The following C12orf56 variants were observed in gnomAD, a reference collection of about 807,000 sequenced individuals.
The protein encoded by C12orf56 is chromosome 12 open reading frame 56.
A neutral mutation model predicts 69.9 loss-of-function variants in C12orf56; 71 were observed. That is an observed-to-expected ratio of 1.02 (90% confidence interval 0.84 to 1.24). The LOEUF (loss-of-function observed/expected upper bound fraction) is 1.24. Among genes scored for constraint, C12orf56 ranks in the 50% most tolerant of loss-of-function variants. C12orf56 has a pLI of 0.00. For synonymous variants in C12orf56, 276 were observed against 274.1 expected (o/e 1.01, Z -0.07); for missense variants, 732 against 738.5 (o/e 0.99, Z 0.10).
intron 1 of C12orf56, among the ~76,000 whole-genome samples, chr12:64,372,136 A>C: frequency 6.6e-6 from 1 of 151,964 alleles, no homozygotes; most frequent in South Asian, 2.1e-4. Flanking sequence ...TTGTACATTT[A>C]CTTATTTGAT....
chr12:64,318,248 G>A (rs116107017), intron 4 of C12orf56, among the ~76,000 whole-genome samples: 185 of 151,958 alleles, frequency 1.2e-3, no homozygotes, highest in African/African-American at 4.2e-3. Flanking sequence ...TTTTAGTAGC[G>A]ACAAGGGTTT....
Position 64,266,907 on chromosome 12 carries a change from G to T in C12orf56, c.*276C>A, listed in dbSNP as rs1433527490. Reference sequence around the variant, plus strand: ...CTTGATGGATAGTCGTTTATTTTGTGGCAAGAGTGAGTTTGAAGAACTACT... The same window carrying T: ...CTTGATGGATAGTCGTTTATTTTGTTGCAAGAGTGAGTTTGAAGAACTACT... On this transcript the variant is annotated 3_prime_UTR_variant, in exon 13 of 13. Transcript: ENST00000543942. 8 of 370,210 alleles carry T rather than the reference G, an allele frequency of 2.2e-5. No homozygotes were observed. The East Asian group carries it at 4.0e-4, about 19-fold the overall frequency. 22.9% of individuals were successfully genotyped at this position (370,210 alleles called of 1,614,324 possible). A position where few individuals can be genotyped will look rare whatever the true frequency, so the allele number is the denominator to read the frequency against.
intron 1 of C12orf56, among the ~76,000 whole-genome samples, chr12:64,383,111 G>A (rs190314510): frequency 6.6e-6 from 1 of 152,084 alleles, no homozygotes; most frequent in East Asian, 1.9e-4. Context: ...GAGTCCAGGA[G>A]TTTGAGACCA....
intron 1 of C12orf56, among the ~76,000 whole-genome samples, chr12:64,356,187 A>C (rs1278289753): frequency 4.0e-5 from 6 of 151,778 alleles, no homozygotes; most frequent in African/African-American, 1.2e-4. Flanking sequence ...AAAAAAAAAA[A>C]AAAAAAAAAA....
At chr12:64,381,847 G>A (rs2039722746) in intron 1 of C12orf56, among the ~76,000 whole-genome samples, 1 of 152,214 alleles carries the variant, frequency 6.6e-6, no homozygotes, top group African/African-American at 2.4e-5. Context: ...AAGGATGATG[G>A]AAGATGACGT....
chr12:64,267,172 A>G lies in C12orf56; in HGVS notation c.*11T>C. 4 of 1,553,218 alleles carry G rather than the reference A, an allele frequency of 2.6e-6. No individual in the cohort carries two copies. The highest frequency in any genetic ancestry group is 3.5e-6 in the Non-Finnish European group (4 of 1,132,378). ...TTATACTCTTATTAACATTGCGTAC[A>G]TTGTTTGTTTCTATTCAACCAATTT... On this transcript the variant is annotated 3_prime_UTR_variant, in exon 13 of 13. Coordinates refer to ENST00000543942, the MANE Select transcript of C12orf56 (RefSeq NM_001170633.2).
At position 64,296,443 on chromosome 12, in the gene C12orf56, A is replaced by G. The variant is rs372529158; in HGVS notation, c.1113+7192T>C. Among the ~76,000 whole-genome samples, 16 of 152,276 alleles carry G rather than the reference A, an allele frequency of 1.1e-4. 1 individual carries two copies. The highest frequency in any genetic ancestry group is 3.4e-4 in the African/African-American group (14 of 41,556). On this transcript the variant is annotated intron_variant, in intron 6 of 12. Coordinates refer to ENST00000543942, the MANE Select transcript of C12orf56 (RefSeq NM_001170633.2). The stretch of plus-strand genomic sequence containing the variant: ...GAATGGGAATGTCTATCCTCCACAC[A>G]TCCCATCACTGTATTTTGTAAGTAG...
In C12orf56 at chr12:64,266,925, GA is replaced by G. The variant is rs963174233; in HGVS notation, c.*257del. Reference sequence around the variant, plus strand: ...ATTTTGTGGCAAGAGTGAGTTTGAAGAACTACTCTAATAAAGAAATGGCTCT... The same window carrying G: ...ATTTTGTGGCAAGAGTGAGTTTGAAGACTACTCTAATAAAGAAATGGCTCT... On this transcript the variant is annotated 3_prime_UTR_variant, in exon 13 of 13. Transcript: ENST00000543942. 5.1e-6 allele frequency: 2 copies of G among 393,596 alleles called. No individual in the cohort carries two copies. Among genetic ancestry groups the G allele is most frequent in the African/African-American group, 4.2e-5 (2 of 47,426 alleles). The allele number at this position is 393,596 out of a possible 1,614,324, so 24.4% of individuals were successfully genotyped here. A position where few individuals can be genotyped will look rare whatever the true frequency, so the allele number is the denominator to read the frequency against.
At chr12:64,284,100 G>C (rs2038167744) in intron 8 of C12orf56, among the ~76,000 whole-genome samples, 1 of 152,020 alleles carries the variant, frequency 6.6e-6, no homozygotes, top group Non-Finnish European at 1.5e-5. Context: ...GTTTCACCAT[G>C]TTGGTCAGGC....
At chr12:64,384,057 A>G (rs2039756117) in intron 1 of C12orf56, among the ~76,000 whole-genome samples, 1 of 152,228 alleles carries the variant, frequency 6.6e-6, no homozygotes, top group African/African-American at 2.4e-5. Flanking sequence ...TAAATGTATC[A>G]CATGAATGAT....
intron 1 of C12orf56, among the ~76,000 whole-genome samples, chr12:64,369,997 A>T (rs2039549066): frequency 6.6e-6 from 1 of 151,358 alleles, no homozygotes; most frequent in African/African-American, 2.4e-5. Context: ...AAAAAAAAAA[A>T]AATCAAGCTG....
intron 3 of C12orf56, among the ~76,000 whole-genome samples, chr12:64,322,303 T>G (rs2038783690): frequency 6.6e-6 from 1 of 152,168 alleles, no homozygotes; most frequent in Non-Finnish European, 1.5e-5. Context: ...TATTCATCTA[T>G]CTTCAAATTC....
chr12:64,376,296 A>C (rs2039639003), intron 1 of C12orf56, among the ~76,000 whole-genome samples: 1 of 152,198 alleles, frequency 6.6e-6, no homozygotes, highest in South Asian at 2.1e-4. Flanking sequence ...AACCAGCAGG[A>C]TGCAGAAAAT....
intron 12 of C12orf56, among the ~76,000 whole-genome samples, chr12:64,268,439 G>GCGAA: frequency 1.4e-5 from 1 of 69,164 alleles, no homozygotes; most frequent in Non-Finnish European, 4.2e-5. Context: ...ATTAAGCTCA[G>GCGAA]TGAAGTCAGA....
intron 6 of C12orf56, among the ~76,000 whole-genome samples, chr12:64,300,036 C>T (rs553421931): frequency 6.6e-6 from 1 of 152,134 alleles, no homozygotes; most frequent in African/African-American, 2.4e-5. Context: ...AGTTCTATGG[C>T]ATGGAATTGA....
chr12:64,325,375 G>GAAGAAT (rs1214596157), intron 3 of C12orf56, among the ~76,000 whole-genome samples: 1 of 148,006 alleles, frequency 6.8e-6, no homozygotes, highest in East Asian at 2.0e-4. Flanking sequence ...AAAAAAAAAA[G>GAAGAAT]AAGAAGAAGA....
intron 5 of C12orf56, among the ~76,000 whole-genome samples, chr12:64,309,620 C>T (rs1206079456): frequency 6.6e-6 from 1 of 152,228 alleles, no homozygotes; most frequent in Non-Finnish European, 1.5e-5. Flanking sequence ...AAGTGATTCT[C>T]ATACCTCAGC....
rs1159936012 is a variant in C12orf56 at position 64,267,171 on chromosome 12, C to T, written c.*12G>A. ...TTTATACTCTTATTAACATTGCGTA[C>T]ATTGTTTGTTTCTATTCAACCAATT... On this transcript the variant is annotated 3_prime_UTR_variant, in exon 13 of 13. Coordinates refer to ENST00000543942, the MANE Select transcript of C12orf56 (RefSeq NM_001170633.2). 2 of 1,543,376 alleles carry T rather than the reference C, an allele frequency of 1.3e-6. No individual in the cohort carries two copies.
Position 64,301,762 on chromosome 12 carries a change from G to A in C12orf56, c.1113+1873C>T, listed in dbSNP as rs141182051. On this transcript the variant is annotated intron_variant, in intron 6 of 12. Coordinates refer to ENST00000543942, the MANE Select transcript of C12orf56 (RefSeq NM_001170633.2). The stretch of plus-strand genomic sequence containing the variant: ...TATTGGGCCAAAGAATAAGCAGCCC[G>A]ACCCTTGGTTTGGTCCAGGAACAAG... Among the ~76,000 whole-genome samples, 1,213 of 152,178 alleles carry A rather than the reference G, an allele frequency of 8.0e-3. 17 individuals carry two copies. Among genetic ancestry groups the A allele is most frequent in the African/African-American group, 0.027 (1,119 of 41,500 alleles).
Sources: allele counts gnomAD v4.1 joint callset (sites outside exome capture counted in the v4.1 genomes callset), GRCh38; gene constraint gnomAD v4.1.1; transcripts MANE v1.5; gene names NCBI Gene and HGNC (gene_info 2026-07-23, HGNC 2026-07-21).